PEX3: variants seen among roughly 807,000 people sequenced by gnomAD.
PEX3 encodes peroxisomal biogenesis factor 3.
In PEX3, 30 loss-of-function variants were observed where a neutral mutation model predicts 55.8. The ratio of observed to expected loss-of-function variants is 0.54; its 90% CI spans 0.40 to 0.73. The LOEUF (loss-of-function observed/expected upper bound fraction) is 0.73. PEX3 is among the 30% of genes least tolerant of loss of function. The probability of loss-of-function intolerance (pLI) is 0.00; values close to 1 mark genes in which losing one functional copy is unlikely to be tolerated. For synonymous variants in PEX3, 135 were observed against 148.4 expected (o/e 0.91, Z 0.66); for missense variants, 351 against 432.8 (o/e 0.81, Z 1.68).
Position 143,462,443 on chromosome 6 carries a change from A to G in PEX3, c.206-473A>G, listed in dbSNP as rs1423851326. Among the ~76,000 whole-genome samples, 2 of 152,220 alleles carry G rather than the reference A, an allele frequency of 1.3e-5. No individual in the cohort carries two copies. The highest frequency in any genetic ancestry group is 2.9e-5 in the Non-Finnish European group (2 of 68,022). On this transcript the variant is annotated intron_variant, in intron 2 of 11. Coordinates refer to ENST00000367591, the MANE Select transcript of PEX3 (RefSeq NM_003630.3). This position sits in a 1 kb window ranked among gnomAD's most constrained non-coding sequence, Gnocchi z 4.1. Reference sequence around the variant, plus strand: ...GTCTAGGTTATAATAAATGTTTATTACTTTGTAGTATTTAATAAACTTTTT... The same window carrying G: ...GTCTAGGTTATAATAAATGTTTATTGCTTTGTAGTATTTAATAAACTTTTT...
At chr6:143,474,986 C>G in intron 9 of PEX3, 130 bp downstream of exon 9, 1 of 551,890 alleles carries the variant, frequency 1.8e-6, no homozygotes, top group Non-Finnish European at 3.2e-6. Context: ...ACTCTGTTCC[C>G]CAGCCTTTAG....
rs1399542344 is a variant in PEX3, at chr6:143,472,235, G to C, written c.654G>C (p.Gln218His). Residue 218 changes from glutamine (Q) to histidine (H), a missense_variant, in exon 8 of 12, where the codon CAG (glutamine) becomes CAC (histidine). Transcript: ENST00000367591. Reference sequence around the variant, plus strand: ...AAGAAATCAGAAATCTCGTTGAGCAGCATAAGTCTTCTTCTTGGATTAATA... The same window carrying C: ...AAGAAATCAGAAATCTCGTTGAGCACCATAAGTCTTCTTCTTGGATTAATA... ...KLKEIRNLVEQHKSSSWINKD... is the reference protein window; with the variant it reads ...KLKEIRNLVEHHKSSSWINKD... 3 of 1,606,382 alleles carry C rather than the reference G, an allele frequency of 1.9e-6. No individual in the cohort carries two copies. The highest frequency in any genetic ancestry group is 2.6e-6 in the Non-Finnish European group (3 of 1,173,316).
At position 143,463,008 on chromosome 6, in the gene PEX3, G is replaced by C; in HGVS notation, c.287+11G>C. 6.3e-7 allele frequency: 1 copy of C among 1,593,936 alleles called. No individual in the cohort carries two copies. Among genetic ancestry groups the C allele is most frequent in the African/African-American group, 1.3e-5 (1 of 74,652 alleles). ...TCTGCTAAAAAACAGGTAAATGCAA[G>C]TTACAGCATTTTCTGTTTAAGCACT... On this transcript the variant is annotated intron_variant, in intron 3 of 11. Coordinates refer to ENST00000367591, the MANE Select transcript of PEX3 (RefSeq NM_003630.3). This position sits in a 1 kb window ranked among gnomAD's most constrained non-coding sequence, Gnocchi z 5.7.
At chr6:143,452,881 T>C (rs1779794773) in intron 1 of PEX3, among the ~76,000 whole-genome samples, 1 of 152,232 alleles carries the variant, frequency 6.6e-6, no homozygotes, top group South Asian at 2.1e-4. Context: ...ATATTTTTAA[T>C]AGTAACAGCT....
chr6:143,469,383 T>C (rs1780039706), intron 4 of PEX3, among the ~76,000 whole-genome samples: 1 of 152,262 alleles, frequency 6.6e-6, no homozygotes, highest in Non-Finnish European at 1.5e-5. Flanking sequence ...TGGTGTGAGA[T>C]GATATCTCAT....
Position 143,485,298 on chromosome 6 carries a change from G to A in PEX3, c.1038+50G>A, listed in dbSNP as rs1780302685. 3.0e-6 allele frequency: 3 copies of A among 1,005,734 alleles called. No homozygotes were observed. Among genetic ancestry groups the A allele is most frequent in the South Asian group, 1.3e-5 (1 of 78,914 alleles). 62.3% of individuals were successfully genotyped at this position (1,005,734 alleles called of 1,614,324 possible). A position where few individuals can be genotyped will look rare whatever the true frequency, so the allele number is the denominator to read the frequency against. On this transcript the variant is annotated intron_variant, in intron 11 of 11. Coordinates refer to ENST00000367591, the MANE Select transcript of PEX3 (RefSeq NM_003630.3). This position sits in a 1 kb window ranked among gnomAD's most constrained non-coding sequence, Gnocchi z 5.6. ...ATTAAAAGCAAATTATATTTGTGGTGGTGGTCATGTTTGTCTAACATAAAG... is the reference window on the plus strand; with the variant it reads ...ATTAAAAGCAAATTATATTTGTGGTAGTGGTCATGTTTGTCTAACATAAAG...
In PEX3 at chr6:143,479,136, C is replaced by A; in HGVS notation, c.879C>A (p.Asp293Glu). ...CLNRGFSRLL[D>E]NMAEFFRPTE... ...ACCGAGGTTTTAGTAGACTTCTAGA[C>A]AATATGGCTGAGTTCTTTCGACCTA... The change falls in exon 10 of 12, where the codon GAC becomes GAA. Residue 293 changes from aspartate (D) to glutamate (E), a missense_variant. Asp to Glu is a conservative substitution (Grantham distance 45). Coordinates refer to ENST00000367591, the MANE Select transcript of PEX3 (RefSeq NM_003630.3). This position sits in a 1 kb window ranked among gnomAD's most constrained non-coding sequence, Gnocchi z 4.6. 2 of 1,595,888 alleles carry A rather than the reference C, an allele frequency of 1.3e-6. No individual in the cohort carries two copies. Among genetic ancestry groups the A allele is most frequent in the Non-Finnish European group, 1.7e-6 (2 of 1,163,610 alleles).
intron 9 of PEX3, among the ~76,000 whole-genome samples, chr6:143,477,533 A>G (rs1026602531): frequency 1.3e-5 from 2 of 152,138 alleles, no homozygotes; most frequent in African/African-American, 4.8e-5. Flanking sequence ...ATGGCTGAGG[A>G]TAGGTCAGAT....
At position 143,468,154 on chromosome 6, in the gene PEX3, T is replaced by C; in HGVS notation, c.320T>C (p.Leu107Pro). ...PSNKLEIWEDLKIISFTRSTV... is the reference protein window; with the variant it reads ...PSNKLEIWEDPKIISFTRSTV... The stretch of plus-strand genomic sequence containing the variant: ...AACAAGCTAGAAATATGGGAGGATC[T>C]GAAGATAATAAGTAAGCCTGCATAT... The change falls in exon 4 of 12, where the codon CTG (leucine) becomes CCG (proline). Residue 107 changes from leucine to proline, a missense_variant. Transcript: ENST00000367591. The C allele has an allele frequency of 6.3e-7, 1 of 1,588,194 alleles. No homozygotes were observed. The highest frequency in any genetic ancestry group is 8.6e-7 in the Non-Finnish European group (1 of 1,157,380).
At chr6:143,474,923 G>C (rs1780131536) in intron 9 of PEX3, 67 bp downstream of exon 9, 5 of 870,782 alleles carry the variant, frequency 5.7e-6, no homozygotes, top group Non-Finnish European at 7.9e-6. Context: ...CTATTTTTTA[G>C]TTTTTCTTGA....
chr6:143,486,030 T>C lies in PEX3; in HGVS notation c.1038+782T>C, dbSNP rs2128748103. Among the ~76,000 whole-genome samples the C allele has an allele frequency of 6.6e-6, 1 of 152,252 alleles. No individual in the cohort carries two copies. The highest frequency in any genetic ancestry group is 2.1e-4 in the South Asian group (1 of 4,828). On this transcript the variant is annotated intron_variant, in intron 11 of 11. Transcript: ENST00000367591. The surrounding 1 kb of genome is among the most constrained non-coding windows in gnomAD (Gnocchi z 5.0). The stretch of plus-strand genomic sequence containing the variant: ...CAGACAATTTAGTGTATCCTCTCTG[T>C]AGACTTTTTACTCTTGGGAACGTGG...
chr6:143,479,935 T>C lies in PEX3; in HGVS notation c.941+737T>C, dbSNP rs1780211346. ...CTGACTGTAAACTCATTCATTAAAA[T>C]TTGAGACACATCCTTTGAAGTAGCT... is the stretch of plus-strand genomic sequence containing the variant. On this transcript the variant is annotated intron_variant, in intron 10 of 11. Coordinates refer to ENST00000367591, the MANE Select transcript of PEX3 (RefSeq NM_003630.3). This position sits in a 1 kb window ranked among gnomAD's most constrained non-coding sequence, Gnocchi z 4.6. Among the ~76,000 whole-genome samples, 1 of 152,128 alleles carries C rather than the reference T, an allele frequency of 6.6e-6. No individual in the cohort carries two copies. The highest frequency in any genetic ancestry group is 1.5e-5 in the Non-Finnish European group (1 of 67,966).
rs1450022415 is a variant in PEX3, at chr6:143,453,595, C to G, written c.73+2480C>G. On this transcript the variant is annotated intron_variant, in intron 1 of 11. Coordinates refer to ENST00000367591, the MANE Select transcript of PEX3 (RefSeq NM_003630.3). The surrounding 1 kb of genome is among the most constrained non-coding windows in gnomAD (Gnocchi z 4.6). ...TAGCTCACTGCAGCCTTGTTTTCTC[C>G]TTTGCTAGCTTTACAATGTAAGGCA... 3.9e-5 allele frequency among the ~76,000 whole-genome samples: 6 copies of G among 152,122 alleles called. No homozygotes were observed.
At position 143,453,287 on chromosome 6, in the gene PEX3, G is replaced by A. The variant is rs745957359; in HGVS notation, c.73+2172G>A. Reference sequence around the variant, plus strand: ...TTTCATGGAAGAAGAGACACATTTTGACAGGCTTGAAAGCTGGGTAGTATA... The same window carrying A: ...TTTCATGGAAGAAGAGACACATTTTAACAGGCTTGAAAGCTGGGTAGTATA... On this transcript the variant is annotated intron_variant, in intron 1 of 11. Coordinates refer to ENST00000367591, the MANE Select transcript of PEX3 (RefSeq NM_003630.3). This position sits in a 1 kb window ranked among gnomAD's most constrained non-coding sequence, Gnocchi z 4.6. Among the ~76,000 whole-genome samples, 3 of 152,162 alleles carry A rather than the reference G, an allele frequency of 2.0e-5. No individual in the cohort carries two copies. The highest frequency in any genetic ancestry group is 2.1e-4 in the South Asian group (1 of 4,826).
At chr6:143,477,125 A>G (rs1424905780) in intron 9 of PEX3, among the ~76,000 whole-genome samples, 1 of 152,226 alleles carries the variant, frequency 6.6e-6, no homozygotes, top group Admixed American at 6.5e-5. Flanking sequence ...GAGAAGTTTC[A>G]GAGGAGCAGT....
At position 143,458,177 on chromosome 6, in the gene PEX3, C is replaced by T. The variant is rs1779871348; in HGVS notation, c.74-908C>T. Among the ~76,000 whole-genome samples, 1 of 152,136 alleles carries T rather than the reference C, an allele frequency of 6.6e-6. No homozygotes were observed. The highest frequency in any genetic ancestry group is 2.1e-4 in the South Asian group (1 of 4,824). On this transcript the variant is annotated intron_variant, in intron 1 of 11. Transcript: ENST00000367591. The surrounding 1 kb of genome is among the most constrained non-coding windows in gnomAD (Gnocchi z 6.1). ...GGCTAACTAACCACTCTGGAATGTTCACATTCCCAGCTAGGAAAACTGACT... is the reference window on the plus strand; with the variant it reads ...GGCTAACTAACCACTCTGGAATGTTTACATTCCCAGCTAGGAAAACTGACT...
chr6:143,482,465 T>G lies in PEX3; in HGVS notation c.942-2687T>G, dbSNP rs1029128753. 6.6e-6 allele frequency among the ~76,000 whole-genome samples: 1 copy of G among 152,038 alleles called. No homozygotes were observed. Among genetic ancestry groups the G allele is most frequent in the African/African-American group, 2.4e-5 (1 of 41,434 alleles). ...ATTAATCTAAAATATAATCAAAATA[T>G]TATCAAAATTCTATTGGAGATTGGA... On this transcript the variant is annotated intron_variant, in intron 10 of 11. Coordinates refer to ENST00000367591, the MANE Select transcript of PEX3 (RefSeq NM_003630.3). This position sits in a 1 kb window ranked among gnomAD's most constrained non-coding sequence, Gnocchi z 5.5.
Position 143,489,074 on chromosome 6 carries a change from A to T in PEX3, c.1039-69A>T. 9.6e-7 allele frequency: 1 copy of T among 1,036,688 alleles called. No individual in the cohort carries two copies. The highest frequency in any genetic ancestry group is 1.5e-6 in the Non-Finnish European group (1 of 656,340). The allele number at this position is 1,036,688 out of a possible 1,614,324, so 64.2% of individuals were successfully genotyped here. A position where few individuals can be genotyped will look rare whatever the true frequency, so the allele number is the denominator to read the frequency against. ...AACTTAGAGCTGAATTCATCGCTTGATTGCAGAAATTAATTCAAATTAGCT... is the reference window on the plus strand; with the variant it reads ...AACTTAGAGCTGAATTCATCGCTTGTTTGCAGAAATTAATTCAAATTAGCT... On this transcript the variant is annotated intron_variant, in intron 11 of 11. Transcript: ENST00000367591. This position sits in a 1 kb window ranked among gnomAD's most constrained non-coding sequence, Gnocchi z 5.5.
At position 143,464,832 on chromosome 6, in the gene PEX3, G is replaced by A. The variant is rs1284697805; in HGVS notation, c.287+1835G>A. 6.6e-6 allele frequency among the ~76,000 whole-genome samples: 1 copy of A among 151,602 alleles called. No homozygotes were observed. The highest frequency in any genetic ancestry group is 1.5e-5 in the Non-Finnish European group (1 of 67,762). The stretch of plus-strand genomic sequence containing the variant: ...CTGCTTTTATATTAATTTTATATGA[G>A]ACTCTGGTCTCATATAAGCCTGTTG... On this transcript the variant is annotated intron_variant, in intron 3 of 11. Coordinates refer to ENST00000367591, the MANE Select transcript of PEX3 (RefSeq NM_003630.3). The surrounding 1 kb of genome is among the most constrained non-coding windows in gnomAD (Gnocchi z 5.8).
Sources: allele counts gnomAD v4.1 joint callset (sites outside exome capture counted in the v4.1 genomes callset), GRCh38; gene constraint gnomAD v4.1.1; non-coding constraint Gnocchi (gnomAD v3.1); transcripts MANE v1.5; gene names NCBI Gene and HGNC (gene_info 2026-07-23, HGNC 2026-07-21).